The following NRG1 variants were observed in gnomAD, a reference collection of about 807,000 sequenced individuals.
The protein encoded by NRG1 is pro-neuregulin-1, membrane-bound isoform.
In NRG1, 18 loss-of-function variants were observed where a neutral mutation model predicts 63.8. The ratio of observed to expected loss-of-function variants is 0.28; its 90% CI spans 0.19 to 0.42. NRG1 has a LOEUF of 0.42. Ranked by LOEUF, NRG1 falls within the 10% of genes least tolerant of loss-of-function variation. The pLI is 1.00. For missense variants in NRG1, 762 were observed against 814.7 expected (o/e 0.94, Z 0.79); for synonymous variants, 302 against 301.3 (o/e 1.00, Z -0.02).
In NRG1 at chr8:31,892,472, A is replaced by C. The variant is rs527631112; in HGVS notation, c.37+253041A>C. Reference sequence around the variant, plus strand: ...AAATTGGTATCTGTGTACACACACAAAAATAGGAAATTCTTGTGAGTAGTT... The same window carrying C: ...AAATTGGTATCTGTGTACACACACACAAATAGGAAATTCTTGTGAGTAGTT... On this transcript the variant is annotated intron_variant, in intron 1 of 10. Transcript: ENST00000519301. Among the ~76,000 whole-genome samples, 18 of 152,254 alleles carry C rather than the reference A, an allele frequency of 1.2e-4. No individual in the cohort carries two copies. The Middle Eastern group carries it at 0.01, about 86-fold the overall frequency.
chr8:31,902,297 G>A (rs373518900), intron 1 of NRG1, among the ~76,000 whole-genome samples: 104 of 152,114 alleles, frequency 6.8e-4, no homozygotes, highest in East Asian at 7.7e-4. Flanking sequence ...TTAAAAATGG[G>A]CAAAACTTAG....
chr8:32,480,299 G>T (rs1382605839), intron 1 of NRG1, among the ~76,000 whole-genome samples: 1 of 152,100 alleles, frequency 6.6e-6, no homozygotes, highest in Non-Finnish European at 1.5e-5. Flanking sequence ...CTGGGGGCTA[G>T]GAGAGAGATA....
At chr8:32,622,039 G>A (rs983590566) in intron 5 of NRG1, among the ~76,000 whole-genome samples, 3 of 152,174 alleles carry the variant, frequency 2.0e-5, no homozygotes, top group Admixed American at 6.5e-5. Flanking sequence ...CATGTTACAC[G>A]TCAAAGCATG....
intron 1 of NRG1, among the ~76,000 whole-genome samples, chr8:32,285,247 G>A (rs995940789): frequency 2.0e-5 from 3 of 152,062 alleles, no homozygotes; most frequent in Non-Finnish European, 4.4e-5. Flanking sequence ...TTTTACAGAC[G>A]AGCAACCTGA....
chr8:31,682,774 C>T (rs899449168), intron 1 of NRG1, among the ~76,000 whole-genome samples: 7 of 151,820 alleles, frequency 4.6e-5, no homozygotes, highest in Non-Finnish European at 1.0e-4. Flanking sequence ...AAAATGCAGT[C>T]GAATAAAAAC....
intron 1 of NRG1, among the ~76,000 whole-genome samples, chr8:32,280,691 G>GTTTTTTTTTTTTTTT (rs1174950316): frequency 5.2e-5 from 3 of 57,670 alleles, no homozygotes; most frequent in African/African-American, 1.1e-4. Flanking sequence ...TTTTTTTTTT[G>GTTTTTTTTTTTTTTT]TTTTTTTTTT....
chr8:31,752,906 T>C (rs936413040), intron 1 of NRG1, among the ~76,000 whole-genome samples: 3 of 152,114 alleles, frequency 2.0e-5, no homozygotes, highest in Non-Finnish European at 2.9e-5. Flanking sequence ...TTACTATTAT[T>C]AGAGTGGGCC....
At position 32,106,739 on chromosome 8, in the gene NRG1, T is replaced by C. The variant is rs1831312389; in HGVS notation, c.37+467308T>C. Among the ~76,000 whole-genome samples the C allele has an allele frequency of 3.3e-5, 5 of 152,212 alleles. No homozygotes were observed. In the South Asian group the frequency reaches 1.0e-3, roughly 32 times the overall value. On this transcript the variant is annotated intron_variant, in intron 1 of 10. Coordinates refer to the NRG1 transcript ENST00000519301. ...AGAGTTGTTGAAAATGCATACATAA[T>C]TTACTCCCTTTTTAAAAAAAATGGA...
chr8:31,912,133 A>G (rs1832994000), intron 1 of NRG1, among the ~76,000 whole-genome samples: 1 of 152,212 alleles, frequency 6.6e-6, no homozygotes, highest in Non-Finnish European at 1.5e-5. Flanking sequence ...TATTTTTATT[A>G]ATATTAGCAT....
intron 1 of NRG1, among the ~76,000 whole-genome samples, chr8:31,650,693 T>C (rs1804749411): frequency 6.6e-6 from 1 of 152,226 alleles, no homozygotes; most frequent in South Asian, 2.1e-4. Context: ...TTCTGTCATA[T>C]TGTGTTTGTT....
chr8:32,023,524 G>A (rs1202436671), intron 1 of NRG1, among the ~76,000 whole-genome samples: 1 of 152,210 alleles, frequency 6.6e-6, no homozygotes, highest in African/African-American at 2.4e-5. Context: ...GTTTTCTGCA[G>A]AAACTCAACT....
intron 1 of NRG1, among the ~76,000 whole-genome samples, chr8:32,268,861 C>T (rs1182683847): frequency 6.6e-6 from 1 of 152,072 alleles, no homozygotes; most frequent in African/African-American, 2.4e-5. Flanking sequence ...GCACGAAGGA[C>T]GGGTAAATCA....
intron 1 of NRG1, among the ~76,000 whole-genome samples, chr8:31,980,700 A>G (rs1808924140): frequency 2.0e-5 from 3 of 152,038 alleles, no homozygotes; most frequent in Admixed American, 6.6e-5. Flanking sequence ...ATTATTTCCA[A>G]TCAATCTCCT....
chr8:32,239,179 A>G (rs1847860136), intron 1 of NRG1, among the ~76,000 whole-genome samples: 1 of 152,078 alleles, frequency 6.6e-6, no homozygotes, highest in Non-Finnish European at 1.5e-5. Context: ...AGCTCAATCT[A>G]AAAACAAGCT....
Position 32,695,243 on chromosome 8 carries a change from A to C in NRG1, c.503-32706A>C, listed in dbSNP as rs553347171. On this transcript the variant is annotated intron_variant, in intron 5 of 11. Transcript: ENST00000356819. ...GTAATCCCAGCTACTGAGGAGGCTG[A>C]GGCAGAAGAATCGCTTGGACCTGGG... Among the ~76,000 whole-genome samples the C allele has an allele frequency of 3.9e-5, 6 of 152,172 alleles. No individual in the cohort carries two copies. In the South Asian group the frequency reaches 1.2e-3, roughly 32 times the overall value.
At chr8:31,940,200 C>T (rs1801545743) in intron 1 of NRG1, among the ~76,000 whole-genome samples, 2 of 152,068 alleles carry the variant, frequency 1.3e-5, no homozygotes, top group Non-Finnish European at 2.9e-5. Context: ...ACATCAAGTA[C>T]TCTCTCAGAC....
chr8:32,697,452 A>G (rs1458002990), intron 5 of NRG1, among the ~76,000 whole-genome samples: 4 of 152,216 alleles, frequency 2.6e-5, no homozygotes, highest in Admixed American at 6.5e-5. Context: ...TCTTTGTTCT[A>G]TAAGCTTGAC....
chr8:32,594,541 C>G (rs556712551), intron 1 of NRG1, among the ~76,000 whole-genome samples: 2 of 152,128 alleles, frequency 1.3e-5, no homozygotes, highest in Non-Finnish European at 2.9e-5. Flanking sequence ...TCCGTATTAC[C>G]CAGTTTCCAC....
intron 1 of NRG1, among the ~76,000 whole-genome samples, chr8:32,505,867 G>A (rs889152648): frequency 6.6e-6 from 1 of 152,150 alleles, no homozygotes; most frequent in African/African-American, 2.4e-5. Context: ...AGCCAGGTGG[G>A]AAATTTTGCT....
Sources: gnomAD v4.1 joint callset for allele counts (sites outside exome capture counted in the v4.1 genomes callset) on GRCh38, gnomAD v4.1.1 for gene constraint, MANE v1.5 for transcripts, NCBI Gene and HGNC (gene_info 2026-07-23, HGNC 2026-07-21) for gene names.